Variants in FNIP2 observed in about 807,000 individuals in gnomAD.
FNIP2 encodes folliculin interacting protein 2, also known as folliculin-interacting protein 2.
In FNIP2, 32 loss-of-function variants were observed where a neutral mutation model predicts 108.7. The ratio of observed to expected loss-of-function variants is 0.29; its 90% CI spans 0.22 to 0.40. FNIP2 has a LOEUF of 0.40. FNIP2 is among the 10% of genes least tolerant of loss of function. The pLI is 1.00. For synonymous variants in FNIP2, 480 were observed against 496.7 expected (o/e 0.97, Z 0.45); for missense variants, 1,202 against 1,381.6 (o/e 0.87, Z 2.06).
intron 1 of FNIP2, among the ~76,000 whole-genome samples, chr4:158,814,489 C>T (rs1281118465): frequency 1.3e-5 from 2 of 152,144 alleles, no homozygotes; most frequent in African/African-American, 4.8e-5. Context: ...CCAGCCTTCC[C>T]CTGCCTACAT....
At chr4:158,861,853 C>A in intron 12 of FNIP2, 77 bp downstream of exon 12, 1 of 1,504,320 alleles carries the variant, frequency 6.6e-7, no homozygotes, top group Non-Finnish European at 9.1e-7. Flanking sequence ...TAGTTTATAC[C>A]GGCTCTCTCA....
chr4:158,899,927 A>C (rs1328086113), intron 16 of FNIP2, among the ~76,000 whole-genome samples: 1 of 151,892 alleles, frequency 6.6e-6, no homozygotes, highest in Non-Finnish European at 1.5e-5. Context: ...TAGTTCTTTT[A>C]ATTGTGATGT....
At chr4:158,847,241 T>C (rs1188059606) in intron 7 of FNIP2, among the ~76,000 whole-genome samples, 1 of 152,048 alleles carries the variant, frequency 6.6e-6, no homozygotes. Context: ...GGACTTGGGG[T>C]GCACACAGCT....
intron 7 of FNIP2, among the ~76,000 whole-genome samples, chr4:158,843,913 T>A (rs564851588): frequency 1.3e-5 from 2 of 152,384 alleles, no homozygotes; most frequent in African/African-American, 4.8e-5. Flanking sequence ...GGCATAGATC[T>A]GTTCTAGGGT....
intron 1 of FNIP2, among the ~76,000 whole-genome samples, chr4:158,789,798 A>AT (rs1383394808): frequency 7.5e-6 from 1 of 132,976 alleles, no homozygotes; most frequent in East Asian, 2.2e-4. Context: ...ATGAGAGTCC[A>AT]TTTTTTCCAA....
chr4:158,843,584 T>C (rs1437220930), intron 7 of FNIP2, among the ~76,000 whole-genome samples: 2 of 152,194 alleles, frequency 1.3e-5, no homozygotes, highest in African/African-American at 2.4e-5. Flanking sequence ...AGAAAACTTA[T>C]GGAAGGCCTC....
chr4:158,890,258 T>A (rs149972058), intron 14 of FNIP2: 11,300 of 984,476 alleles, frequency 0.011, 64 homozygotes, highest in Non-Finnish European at 0.013. Context: ...AGGGTTTATA[T>A]CTTTTTAAAC....
At chr4:158,839,889 G>C (rs1471129111) in intron 7 of FNIP2, among the ~76,000 whole-genome samples, 1 of 152,142 alleles carries the variant, frequency 6.6e-6, no homozygotes, top group Non-Finnish European at 1.5e-5. Flanking sequence ...AATGTCTTTG[G>C]AAAAAGCAGC....
chr4:158,838,034 T>C (rs1778906632), intron 7 of FNIP2, among the ~76,000 whole-genome samples: 1 of 152,198 alleles, frequency 6.6e-6, no homozygotes, highest in East Asian at 1.9e-4. Flanking sequence ...ACTCTTTTAA[T>C]GTAAGAACTC....
At chr4:158,892,541 A>G (rs781115732) in intron 15 of FNIP2, among the ~76,000 whole-genome samples, 11 of 152,208 alleles carry the variant, frequency 7.2e-5, no homozygotes, top group Non-Finnish European at 1.6e-4. Context: ...TGTGCAGAGA[A>G]ATTGAAAGAA....
At chr4:158,894,381 A>C (rs1782499924) in intron 15 of FNIP2, among the ~76,000 whole-genome samples, 1 of 152,180 alleles carries the variant, frequency 6.6e-6, no homozygotes, top group East Asian at 1.9e-4. Context: ...TATGTTGCCT[A>C]GGTTGGTCTT....
chr4:158,833,774 C>A, intron 6 of FNIP2, 146 bp downstream of exon 6: 2 of 1,504,590 alleles, frequency 1.3e-6, no homozygotes, highest in Non-Finnish European at 1.8e-6. Context: ...ACTTTGTTTG[C>A]CCTCTTCTAT....
At chr4:158,894,937 C>T (rs1043095641) in intron 15 of FNIP2, among the ~76,000 whole-genome samples, 1 of 152,106 alleles carries the variant, frequency 6.6e-6, no homozygotes, top group African/African-American at 2.4e-5. Context: ...AATCTTTTTA[C>T]CTTGAAAATA....
chr4:158,893,143 A>G (rs1414912882), intron 15 of FNIP2: 1 of 152,416 alleles, frequency 6.6e-6, no homozygotes, highest in African/African-American at 2.4e-5. Context: ...TGTAAAAGAA[A>G]GATAGTACCT....
At position 158,845,834 on chromosome 4, in the gene FNIP2, T is replaced by C. The variant is rs79730734; in HGVS notation, c.728-5487T>C. ...CCACAGCACTTTTACATAAAAATCT[T>C]AAAATACTTTTGATGAGGAAACGCT... is the stretch of plus-strand genomic sequence containing the variant. On this transcript the variant is annotated intron_variant, in intron 7 of 16. Coordinates refer to ENST00000264433, the MANE Select transcript of FNIP2 (RefSeq NM_020840.3). Among the ~76,000 whole-genome samples, 792 of 152,372 alleles carry C rather than the reference T, an allele frequency of 5.2e-3. 6 individuals carry two copies. The highest frequency in any genetic ancestry group is 0.018 in the African/African-American group (758 of 41,598).
intron 14 of FNIP2, among the ~76,000 whole-genome samples, chr4:158,890,694 G>C (rs958131947): frequency 2.0e-5 from 3 of 152,178 alleles, no homozygotes; most frequent in African/African-American, 7.2e-5. Flanking sequence ...GAATTGATGA[G>C]AAGTCAAAAG....
chr4:158,826,518 A>C (rs1172748009), intron 2 of FNIP2, among the ~76,000 whole-genome samples: 2 of 152,162 alleles, frequency 1.3e-5, no homozygotes, highest in Non-Finnish European at 2.9e-5. Context: ...CCATATGCAA[A>C]CCTGCATTGT....
chr4:158,817,778 C>A (rs1218059541), intron 1 of FNIP2, among the ~76,000 whole-genome samples: 1 of 152,220 alleles, frequency 6.6e-6, no homozygotes, highest in East Asian at 1.9e-4. Context: ...AGACTTCTGG[C>A]CTCTGATCTG....
At chr4:158,871,139 TG>T (rs1455653671) in intron 14 of FNIP2, among the ~76,000 whole-genome samples, 1 of 152,230 alleles carries the variant, frequency 6.6e-6, no homozygotes, top group Non-Finnish European at 1.5e-5. Context: ...TGAGGATGAC[TG>T]TATAAAGATT....
Sources: gnomAD v4.1 joint callset for allele counts (sites outside exome capture counted in the v4.1 genomes callset) on GRCh38, gnomAD v4.1.1 for gene constraint, MANE v1.5 for transcripts, NCBI Gene and HGNC (gene_info 2026-07-23, HGNC 2026-07-21) for gene names.